LZTS1: variants seen among roughly 807,000 people sequenced by gnomAD.
LZTS1 encodes the protein leucine zipper tumor suppressor 1, also known as leucine zipper putative tumor suppressor 1.
In LZTS1, 31 loss-of-function variants were observed where a neutral mutation model predicts 45.8. That is an observed-to-expected ratio of 0.68 (90% CI 0.51 to 0.91). The LOEUF (loss-of-function observed/expected upper bound fraction) is 0.91. Among genes scored for constraint, LZTS1 ranks in the 40% least tolerant of loss-of-function variants. The probability of loss-of-function intolerance (pLI) is 0.00; values close to 1 mark genes in which losing one functional copy is unlikely to be tolerated. For synonymous variants in LZTS1, 359 were observed against 357.3 expected (o/e 1.00, Z -0.05); for missense variants, 821 against 788.9 (o/e 1.04, Z -0.49).
chr8:20,279,680 T>TGAAA (rs1585296313), intron 1 of LZTS1, among the ~76,000 whole-genome samples: 1 of 13,930 alleles, frequency 7.2e-5, no homozygotes, highest in Admixed American at 1.0e-3. Flanking sequence ...AGACCCTGTC[T>TGAAA]CAAAAAAAAA....
At chr8:20,250,636 G>A (rs904419642) in intron 3 of LZTS1, among the ~76,000 whole-genome samples, 4 of 152,088 alleles carry the variant, frequency 2.6e-5, no homozygotes, top group South Asian at 2.1e-4. Context: ...GAGAAGTCTC[G>A]CTTTGTCACC....
intron 1 of LZTS1, among the ~76,000 whole-genome samples, chr8:20,271,290 C>A (rs1220947714): frequency 6.6e-6 from 1 of 152,152 alleles, no homozygotes; most frequent in African/African-American, 2.4e-5. Context: ...GCCCAGGAGC[C>A]GCTGAGCCTG....
In LZTS1 at chr8:20,263,229, C is replaced by T. The variant is rs949841157; in HGVS notation, c.-134-7914G>A. Among the ~76,000 whole-genome samples the T allele has an allele frequency of 4.6e-5, 7 of 152,214 alleles. No individual in the cohort carries two copies. In the East Asian group the frequency reaches 1.2e-3, roughly 25 times the overall value. ...CGACCGCCTTGAACTTGGAAGCAGG[C>T]GGAGACTGGGCGGGGAGATGTGGGT... On this transcript the variant is annotated intron_variant, in intron 1 of 3. Coordinates refer to ENST00000381569, the MANE Select transcript of LZTS1 (RefSeq NM_021020.5).
intron 1 of LZTS1, among the ~76,000 whole-genome samples, chr8:20,297,501 G>C (rs1455939489): frequency 6.6e-6 from 1 of 152,080 alleles, no homozygotes; most frequent in African/African-American, 2.4e-5. Context: ...TATAACCTCC[G>C]CCTCCCGGGT....
At chr8:20,288,987 GTTTT>G (rs59572169) in intron 1 of LZTS1, among the ~76,000 whole-genome samples, 1 of 119,694 alleles carries the variant, frequency 8.4e-6, no homozygotes, top group African/African-American at 3.2e-5. Context: ...ATAGCAGCTG[GTTTT>G]TTTTTTTTTT....
chr8:20,269,158 C>T (rs924532837), intron 1 of LZTS1, among the ~76,000 whole-genome samples: 2 of 152,174 alleles, frequency 1.3e-5, no homozygotes, highest in South Asian at 2.1e-4. Flanking sequence ...GTTTGTGCTG[C>T]GGCTGGTCCC....
At chr8:20,282,680 T>C (rs1406809324) in intron 1 of LZTS1, among the ~76,000 whole-genome samples, 2 of 152,226 alleles carry the variant, frequency 1.3e-5, no homozygotes, top group Non-Finnish European at 2.9e-5. Flanking sequence ...TTTAGCAGCA[T>C]TCCTGGCCCC....
rs182060987 is a variant in LZTS1, at chr8:20,261,967, C to A, written c.-134-6652G>T. Among the ~76,000 whole-genome samples, 848 of 152,344 alleles carry A rather than the reference C, an allele frequency of 5.6e-3. 6 individuals carry two copies. Among genetic ancestry groups the A allele is most frequent in the African/African-American group, 0.017 (691 of 41,570 alleles). Reference sequence around the variant, plus strand: ...CTGACATCCTTCCCTCCTTCTCCCCCTCTCCGTCCCACACCTCCTCCCCTA... The same window carrying A: ...CTGACATCCTTCCCTCCTTCTCCCCATCTCCGTCCCACACCTCCTCCCCTA... On this transcript the variant is annotated intron_variant, in intron 1 of 3. Coordinates refer to ENST00000381569, the MANE Select transcript of LZTS1 (RefSeq NM_021020.5).
intron 3 of LZTS1, among the ~76,000 whole-genome samples, chr8:20,251,700 T>C (rs898971034): frequency 6.6e-6 from 1 of 152,104 alleles, no homozygotes; most frequent in African/African-American, 2.4e-5. Context: ...TTGACAGATG[T>C]GGATTGGGCT....
intron 1 of LZTS1, among the ~76,000 whole-genome samples, chr8:20,280,777 C>G (rs145204874): frequency 3.2e-4 from 48 of 152,280 alleles, no homozygotes; most frequent in African/African-American, 1.1e-3. Context: ...CTCCTCCCAT[C>G]CTTCCTCCTT....
At chr8:20,278,984 T>G (rs1429283583) in intron 1 of LZTS1, among the ~76,000 whole-genome samples, 3 of 152,218 alleles carry the variant, frequency 2.0e-5, no homozygotes, top group African/African-American at 7.2e-5. Context: ...CACCTGTCAG[T>G]GCTTTCTCAC....
intron 1 of LZTS1, among the ~76,000 whole-genome samples, chr8:20,273,470 A>G (rs1329091236): frequency 6.6e-6 from 1 of 152,130 alleles, no homozygotes; most frequent in African/African-American, 2.4e-5. Context: ...TCGCACATCC[A>G]CAGTGGAATT....
At chr8:20,270,796 CCT>C (rs5889906) in intron 1 of LZTS1, among the ~76,000 whole-genome samples, 48,418 of 113,800 alleles carry the variant, frequency 0.43, 8,441 homozygotes, top group East Asian at 0.55. Context: ...CCGAGTGTGT[CCT>C]CTGTGTGTGT....
intron 1 of LZTS1, among the ~76,000 whole-genome samples, chr8:20,256,060 CAAAA>C (rs386412254): frequency 1.3e-3 from 76 of 56,454 alleles, no homozygotes; most frequent in African/African-American, 3.1e-3. Flanking sequence ...GGGCCTGACT[CAAAA>C]AAAAAAAAAA....
chr8:20,273,250 T>C (rs959547675), intron 1 of LZTS1, among the ~76,000 whole-genome samples: 1 of 152,194 alleles, frequency 6.6e-6, no homozygotes. Flanking sequence ...TTGCGCAGCC[T>C]GTCCTCTGTC....
chr8:20,268,392 A>G (rs1800404886), intron 1 of LZTS1, among the ~76,000 whole-genome samples: 1 of 151,250 alleles, frequency 6.6e-6, no homozygotes, highest in Non-Finnish European at 1.5e-5. Flanking sequence ...CCCTTTTATG[A>G]TGATTCTCCC....
chr8:20,296,542 C>A (rs1305653618), intron 1 of LZTS1, among the ~76,000 whole-genome samples: 1 of 152,062 alleles, frequency 6.6e-6, no homozygotes. Context: ...CCCAGGTAGG[C>A]AGAGGTGTGG....
intron 1 of LZTS1, among the ~76,000 whole-genome samples, chr8:20,272,192 C>G (rs1290809863): frequency 6.6e-6 from 1 of 152,190 alleles, no homozygotes; most frequent in Non-Finnish European, 1.5e-5. Context: ...TAAGCCCAAC[C>G]TGTCTTCCCA....
In LZTS1 at chr8:20,254,817, T is replaced by TG. The variant is rs745602928; in HGVS notation, c.345+19dup. ...CCTGCGTTTCCAACCCACTTACCCT[T>TG]GCCAGCGACCCCCGCTTACCATTTC... On this transcript the variant is annotated intron_variant, in intron 2 of 3. Coordinates refer to ENST00000381569, the MANE Select transcript of LZTS1 (RefSeq NM_021020.5). 3 of 1,582,876 alleles carry TG rather than the reference T, an allele frequency of 1.9e-6. No individual in the cohort carries two copies. The highest frequency in any genetic ancestry group is 2.2e-5 in the East Asian group (1 of 44,532).
Sources: allele counts gnomAD v4.1 joint callset (sites outside exome capture counted in the v4.1 genomes callset), GRCh38; gene constraint gnomAD v4.1.1; transcripts MANE v1.5; gene names NCBI Gene and HGNC (gene_info 2026-07-23, HGNC 2026-07-21).